Variants in GPD2 observed in about 807,000 individuals in gnomAD.
The protein encoded by GPD2 is glycerol-3-phosphate dehydrogenase, mitochondrial.
Under a neutral mutation model 82.4 loss-of-function variants are expected in GPD2, and 54 were observed. The observed-to-expected ratio is 0.66, with a 90% confidence interval of 0.53 to 0.82. GPD2 has a LOEUF of 0.82. Ranked by LOEUF, GPD2 falls within the 40% of genes least tolerant of loss-of-function variation. The probability of loss-of-function intolerance (pLI) is 0.00; values close to 1 mark genes in which losing one functional copy is unlikely to be tolerated. For synonymous variants in GPD2, 288 were observed against 306.1 expected (o/e 0.94, Z 0.62); for missense variants, 748 against 896.2 (o/e 0.83, Z 2.11).
At chr2:156,433,217 C>A (rs1168692467), upstream of GPD2, among the ~76,000 whole-genome samples, 1 of 152,190 alleles carries the variant, frequency 6.6e-6, no homozygotes, top group Non-Finnish European at 1.5e-5. Context: ...ACAGCCCATT[C>A]CCAAAGCAGA....
chr2:156,496,256 G>T (rs1684373541), intron 3 of GPD2, 41 bp downstream of exon 3: 1 of 1,405,300 alleles, frequency 7.1e-7, no homozygotes, highest in African/African-American at 1.4e-5. Context: ...AAGTTCTGGG[G>T]TACATGTGCA....
chr2:156,502,100 A>G (rs1260637774), intron 3 of GPD2, among the ~76,000 whole-genome samples: 1 of 102,190 alleles, frequency 9.8e-6, no homozygotes, highest in Non-Finnish European at 2.2e-5. Context: ...ATTTATATAT[A>G]TGCATGTGTG....
intron 8 of GPD2, among the ~76,000 whole-genome samples, chr2:156,556,082 TA>T (rs1686951240): frequency 6.6e-6 from 1 of 152,182 alleles, no homozygotes; most frequent in African/African-American, 2.4e-5. Flanking sequence ...ATATTATCAT[TA>T]TTTTTTACAC....
At chr2:156,451,132 A>G (rs1211232424) in intron 1 of GPD2, among the ~76,000 whole-genome samples, 5 of 149,940 alleles carry the variant, frequency 3.3e-5, no homozygotes, top group Non-Finnish European at 7.4e-5. Flanking sequence ...GTTCTATTCC[A>G]CAAAACCGCC....
At position 156,532,758 on chromosome 2, in the gene GPD2, G is replaced by A. The variant is rs555597693; in HGVS notation, c.662-16850G>A. ...ACAAATGCTTTATAGGAATTTAGAA[G>A]GACATTGGGTAGTAGAGGGCTTGGG... On this transcript the variant is annotated intron_variant, in intron 6 of 16. Coordinates refer to ENST00000438166, the MANE Select transcript of GPD2 (RefSeq NM_000408.5). Among the ~76,000 whole-genome samples, 5 of 152,284 alleles carry A rather than the reference G, an allele frequency of 3.3e-5. No homozygotes were observed. In the East Asian group the frequency reaches 7.7e-4, roughly 23 times the overall value.
intron 9 of GPD2, among the ~76,000 whole-genome samples, chr2:156,565,797 A>G (rs990211381): frequency 3.3e-5 from 5 of 151,772 alleles, no homozygotes; most frequent in Non-Finnish European, 5.9e-5. Flanking sequence ...CTGTCATCCA[A>G]CATAGCTTGT....
intron 8 of GPD2, among the ~76,000 whole-genome samples, chr2:156,551,780 A>C (rs1421191188): frequency 6.6e-6 from 1 of 152,180 alleles, no homozygotes; most frequent in Non-Finnish European, 1.5e-5. Flanking sequence ...AGAGTATAGG[A>C]CTTGATATTT....
At chr2:156,520,714 A>G (rs1685373780) in intron 6 of GPD2, among the ~76,000 whole-genome samples, 1 of 151,960 alleles carries the variant, frequency 6.6e-6, no homozygotes, top group Non-Finnish European at 1.5e-5. Flanking sequence ...TCTCCTGAGC[A>G]GCTGGGATTA....
the GPD2 span, among the ~76,000 whole-genome samples, chr2:156,419,062 T>C: frequency 1.4e-5 from 2 of 138,540 alleles, no homozygotes; most frequent in Admixed American, 1.4e-4. Flanking sequence ...TTTTTTTTTT[T>C]TTTTTTTTTT....
chr2:156,523,982 T>C (rs1213049749), intron 6 of GPD2, among the ~76,000 whole-genome samples: 2 of 152,228 alleles, frequency 1.3e-5, no homozygotes, highest in African/African-American at 4.8e-5. Flanking sequence ...TTCATTCTTT[T>C]TATTGTTGTT....
intron 8 of GPD2, among the ~76,000 whole-genome samples, chr2:156,554,254 C>T (rs556025202): frequency 1.6e-3 from 238 of 152,314 alleles, no homozygotes; most frequent in Non-Finnish European, 2.7e-3. Context: ...TACTTAGCAG[C>T]TGTCACTCAA....
At chr2:156,512,359 G>T (rs770238795) in intron 5 of GPD2, 42 bp downstream of exon 5, 1 of 921,406 alleles carries the variant, frequency 1.1e-6, no homozygotes, top group South Asian at 1.3e-5. Context: ...GCTTCTCTGC[G>T]GTCAATAGAA....
chr2:156,496,646 A>G (rs1203784612), intron 3 of GPD2, among the ~76,000 whole-genome samples: 1 of 146,396 alleles, frequency 6.8e-6, no homozygotes, highest in African/African-American at 2.5e-5. Context: ...ATTTCACTTC[A>G]ATGAATTTGT....
In GPD2 at chr2:156,540,596, C is replaced by T. The variant is rs550149828; in HGVS notation, c.662-9012C>T. ...TTTTCTCAGGATGCCAAATTTATAG[C>T]TAATATAGATTTCCTTTATGAAAAG... On this transcript the variant is annotated intron_variant, in intron 6 of 16. Transcript: ENST00000438166. Among the ~76,000 whole-genome samples, 392 of 152,282 alleles carry T rather than the reference C, an allele frequency of 2.6e-3. 4 individuals carry two copies. Among genetic ancestry groups the T allele is most frequent in the African/African-American group, 9.0e-3 (372 of 41,550 alleles).
intron 6 of GPD2, among the ~76,000 whole-genome samples, chr2:156,523,510 C>CACTTATAA (rs1685489612): frequency 6.6e-6 from 1 of 152,096 alleles, no homozygotes; most frequent in Non-Finnish European, 1.5e-5. Context: ...CATGACCAAA[C>CACTTATAA]ACTTATAAAC....
the GPD2 span, among the ~76,000 whole-genome samples, chr2:156,413,948 G>A: frequency 1.3e-5 from 2 of 152,312 alleles, no homozygotes; most frequent in African/African-American, 4.8e-5. Flanking sequence ...CCATGGGAGT[G>A]TGGAAAATAC....
intron 9 of GPD2, among the ~76,000 whole-genome samples, chr2:156,568,124 A>C (rs764725146): frequency 6.6e-6 from 1 of 152,144 alleles, no homozygotes; most frequent in Non-Finnish European, 1.5e-5. Context: ...CTCAGAAGGA[A>C]GAAGGTTCTG....
the GPD2 span, among the ~76,000 whole-genome samples, chr2:156,409,070 G>GA: frequency 3.5e-4 from 53 of 152,186 alleles, no homozygotes; most frequent in Middle Eastern, 6.8e-3. Flanking sequence ...TATAAACTAA[G>GA]AAAAAACCAC....
intron 4 of GPD2, among the ~76,000 whole-genome samples, chr2:156,511,694 T>G (rs1246580800): frequency 1.3e-5 from 2 of 152,214 alleles, no homozygotes; most frequent in Non-Finnish European, 2.9e-5. Context: ...TGTTATCTTA[T>G]TTGTAAAATT....
Sources: allele counts gnomAD v4.1 joint callset (sites outside exome capture counted in the v4.1 genomes callset), GRCh38; gene constraint gnomAD v4.1.1; transcripts MANE v1.5; gene names NCBI Gene and HGNC (gene_info 2026-07-23, HGNC 2026-07-21).